SPHK2: variants seen among roughly 807,000 people sequenced by gnomAD.
SPHK2 encodes sphingosine kinase 2.
In SPHK2, 18 loss-of-function variants were observed where a neutral mutation model predicts 32.3. That is an observed-to-expected ratio of 0.56 (90% CI 0.39 to 0.83). The LOEUF is 0.83. Among genes scored for constraint, SPHK2 ranks in the 40% least tolerant of loss-of-function variants. SPHK2 has a pLI of 0.00. For synonymous variants in SPHK2, 462 were observed against 417.6 expected, an observed-to-expected ratio of 1.11 and a Z score of -1.30; for missense variants, 850 against 908.7, an observed-to-expected ratio of 0.94 and a Z score of 0.83.
chr19:48,627,664 C>T, intron 3 of SPHK2, 28 bp from the exon 4 acceptor site: 1 of 1,534,816 alleles, frequency 6.5e-7, no homozygotes. Flanking sequence ...GGTCACTGGC[C>T]TCTGCAGACC....
chr19:48,622,552 GCTT>G (rs1267238133), intron 2 of SPHK2, among the ~76,000 whole-genome samples: 1 of 151,922 alleles, frequency 6.6e-6, no homozygotes, highest in Non-Finnish European at 1.5e-5. Flanking sequence ...TTGAATCTCA[GCTT>G]CTTTGCCCAG....
chr19:48,623,822 C>G (rs1156276224), intron 2 of SPHK2: 1 of 152,352 alleles, frequency 6.6e-6, no homozygotes, highest in East Asian at 1.9e-4. Flanking sequence ...CCTTACCTTG[C>G]ACATTCTCAA....
Position 48,630,220 on chromosome 19 carries a change from G to T in SPHK2, c.*447G>T, listed in dbSNP as rs1463935480. The T allele has an allele frequency of 1.6e-6, 2 of 1,258,638 alleles. No individual in the cohort carries two copies. Among genetic ancestry groups the T allele is most frequent in the Non-Finnish European group, 2.0e-6 (2 of 1,001,360 alleles). The allele number at this position is 1,258,638 out of a possible 1,614,324, so 78.0% of individuals were successfully genotyped here. ...CCACTCCGGTGCCTCCATTTAGCTGGCCAATCAGCCCAGGAGGGGCAGGTT... is the reference window on the plus strand; with the variant it reads ...CCACTCCGGTGCCTCCATTTAGCTGTCCAATCAGCCCAGGAGGGGCAGGTT... On this transcript the variant is annotated 3_prime_UTR_variant, in exon 7 of 7. Transcript: ENST00000245222. This position sits in a 1 kb window ranked among gnomAD's most constrained non-coding sequence, Gnocchi z 4.9.
rs770750657 is a variant in SPHK2 at position 48,628,254 on chromosome 19, C to G, written c.849C>G (p.Ala283=). 5.0e-6 allele frequency: 8 copies of G among 1,613,510 alleles called. No individual in the cohort carries two copies. Among genetic ancestry groups the G allele is most frequent in the Non-Finnish European group, 6.8e-6 (8 of 1,179,910 alleles). ...ILPCGSGNAL[A]GAVNQHGGFE... is the part of the protein sequence containing the mutation. ...CCTGCGGCTCGGGCAACGCGCTGGC[C>G]GGAGCAGTGAACCAGCACGGGGGGT... The change falls in exon 6 of 7, where the codon GCC becomes GCG. Residue 283 remains alanine (A), a synonymous_variant. Transcript: ENST00000245222. This position sits in a 1 kb window ranked among gnomAD's most constrained non-coding sequence, Gnocchi z 5.2.
chr19:48,625,968 GC>G lies in SPHK2; in HGVS notation c.122del (p.Pro41HisfsTer167). ...TGGTCAGGGCTAAGGCCATGGCCCC[GC>G]CCCCACCGCCACTGGCTGCCAGCAC... ...TLVRAKAMAP[P>X]PPPLAASTPL... On this transcript the variant is annotated frameshift_variant, in exon 3 of 7. Transcript: ENST00000245222. LOFTEE classifies it high-confidence loss of function. 1 of 1,612,224 alleles carries G rather than the reference GC, an allele frequency of 6.2e-7. No homozygotes were observed. The highest frequency in any genetic ancestry group is 8.5e-7 in the Non-Finnish European group (1 of 1,179,608).
At position 48,629,732 on chromosome 19, in the gene SPHK2, C is replaced by G; in HGVS notation, c.1924C>G (p.Leu642Val). Residue 642 changes from leucine (L) to valine (V), a missense_variant, in exon 7 of 7, where the codon CTG becomes GTG. Leu to Val is a conservative substitution (Grantham distance 32). Coordinates refer to ENST00000245222, the MANE Select transcript of SPHK2 (RefSeq NM_020126.5). ...ACAGATGCACCCTGGCATCGGTACACTGCTCACTGGGCCTCCTGGCTGCCC... is the reference window on the plus strand; with the variant it reads ...ACAGATGCACCCTGGCATCGGTACAGTGCTCACTGGGCCTCCTGGCTGCCC... ...QAQMHPGIGT[L>V]LTGPPGCPGR... 6.3e-7 allele frequency: 1 copy of G among 1,599,778 alleles called. No homozygotes were observed. Among genetic ancestry groups the G allele is most frequent in the Non-Finnish European group, 8.5e-7 (1 of 1,171,582 alleles).
In SPHK2 at chr19:48,630,390, C is replaced by T; in HGVS notation, c.*617C>T. 2 of 1,378,288 alleles carry T rather than the reference C, an allele frequency of 1.5e-6. No homozygotes were observed. The highest frequency in any genetic ancestry group is 1.9e-6 in the Non-Finnish European group (2 of 1,067,526). The allele number at this position is 1,378,288 out of a possible 1,614,324, so 85.4% of individuals were successfully genotyped here. A position where few individuals can be genotyped will look rare whatever the true frequency, so the allele number is the denominator to read the frequency against. On this transcript the variant is annotated 3_prime_UTR_variant, in exon 7 of 7. Transcript: ENST00000245222. This position sits in a 1 kb window ranked among gnomAD's most constrained non-coding sequence, Gnocchi z 4.9. ...AAAAGGTCTATGCAATAAAGGCAGT[C>T]GCTTCATTCCTCTCAGACCTTCTGC... is the stretch of plus-strand genomic sequence containing the variant.
chr19:48,626,227 G>T lies in SPHK2; in HGVS notation c.376G>T (p.Gly126Trp), dbSNP rs202163387. ...CIYTYPRGRRGARRRATRTFR... is the reference protein window; with the variant it reads ...CIYTYPRGRRWARRRATRTFR... ...CTACACCTACCCTCGGGGCCGGCGC[G>T]GGGCCCGGCGCAGAGCCACTCGCAC... Residue 126 changes from glycine (G) to tryptophan (W), a missense_variant, in exon 3 of 7, where the codon GGG (glycine) becomes TGG (tryptophan). Gly to Trp is a radical substitution (Grantham distance 184). Around this residue, in one of 2 missense-constraint regions of SPHK2, gnomAD observed 544 missense variants for 640.0 expected, o/e 0.85. Transcript: ENST00000245222. 1.3e-6 allele frequency: 2 copies of T among 1,594,860 alleles called. No homozygotes were observed. Among genetic ancestry groups the T allele is most frequent in the Non-Finnish European group, 1.7e-6 (2 of 1,176,728 alleles).
At chr19:48,621,006 C>G (rs1342079294) in intron 2 of SPHK2, 1 of 157,232 alleles carries the variant, frequency 6.4e-6, no homozygotes, top group Non-Finnish European at 1.4e-5. Context: ...GCTGCAACCT[C>G]CTGGGCTAAA....
At chr19:48,627,569 T>C in intron 3 of SPHK2, 123 bp from the exon 4 acceptor site, 2 of 1,214,636 alleles carry the variant, frequency 1.6e-6, no homozygotes, top group Admixed American at 4.8e-5. Flanking sequence ...CCTGGCCACA[T>C]GAGAGCCAGC....
chr19:48,629,126 C>A lies in SPHK2; in HGVS notation c.1318C>A (p.Pro440Thr). The A allele has an allele frequency of 6.2e-7, 1 of 1,613,442 alleles. No individual in the cohort carries two copies. The stretch of plus-strand genomic sequence containing the variant: ...CCTGGCCTCTCCTGGCTCGCCAGAA[C>A]CCCTGCCCATCCTGTCCCTCAACGG... ...PALASPGSPE[P>T]LPILSLNGGG... The change falls in exon 7 of 7, where the codon CCC becomes ACC. Residue 440 changes from proline (P) to threonine (T), a missense_variant. Pro to Thr is a conservative substitution (Grantham distance 38). Transcript: ENST00000245222.
chr19:48,629,312 C>G lies in SPHK2; in HGVS notation c.1504C>G (p.Pro502Ala), dbSNP rs1478933254. 6.2e-7 allele frequency: 1 copy of G among 1,613,398 alleles called. No individual in the cohort carries two copies. Among genetic ancestry groups the G allele is most frequent in the Non-Finnish European group, 8.5e-7 (1 of 1,179,966 alleles). ...VIPPSSGLPLPTPDARVGAST... is the reference protein window; with the variant it reads ...VIPPSSGLPLATPDARVGAST... ...TCCCCCATCCTCTGGGCTCCCACTT[C>G]CCACCCCTGATGCCCGGGTAGGGGC... The change falls in exon 7 of 7, where the codon CCC (proline) becomes GCC (alanine). Residue 502 changes from proline (P) to alanine (A), a missense_variant. Physicochemically the swap from Pro to Ala is conservative, Grantham distance 27 (BLOSUM62 -1). Coordinates refer to ENST00000245222, the MANE Select transcript of SPHK2 (RefSeq NM_020126.5).
At chr19:48,625,404 G>C (rs1323198013) in intron 2 of SPHK2, 2 of 1,179,760 alleles carry the variant, frequency 1.7e-6, no homozygotes, top group African/African-American at 3.2e-5. Flanking sequence ...TATGGGGGGT[G>C]GGGGTGTCGG....
chr19:48,625,587 A>C, intron 2 of SPHK2: 1 of 1,419,322 alleles, frequency 7.0e-7, no homozygotes, highest in Non-Finnish European at 9.3e-7. Flanking sequence ...ATTTGGGGCT[A>C]TTTTGTCTCC....
chr19:48,625,186 T>A, intron 2 of SPHK2: 1 of 1,025,094 alleles, frequency 9.8e-7, no homozygotes, highest in Non-Finnish European at 1.2e-6. Flanking sequence ...GCTGTCTCCA[T>A]GCCTGCCTCG....
chr19:48,620,636 A>AAT, intron 2 of SPHK2, 83 bp downstream of exon 2: 1 of 1,132,664 alleles, frequency 8.8e-7, no homozygotes, highest in Non-Finnish European at 1.3e-6. Flanking sequence ...AAAAAAAAAA[A>AAT]TTGGAGGCCA....
rs2030415910 is a variant in SPHK2 at position 48,629,753 on chromosome 19, T to C, written c.1945T>C (p.Cys649Arg). The C allele has an allele frequency of 6.3e-7, 1 of 1,580,800 alleles. No homozygotes were observed. Among genetic ancestry groups the C allele is most frequent in the Non-Finnish European group, 8.6e-7 (1 of 1,160,326 alleles). The change falls in exon 7 of 7, where the codon TGC becomes CGC. Residue 649 changes from cysteine (C) to arginine (R), a missense_variant. Cys to Arg is a radical substitution (Grantham distance 180). Coordinates refer to ENST00000245222, the MANE Select transcript of SPHK2 (RefSeq NM_020126.5). ...IGTLLTGPPG[C>R]PGREP The stretch of plus-strand genomic sequence containing the variant: ...TACACTGCTCACTGGGCCTCCTGGC[T>C]GCCCGGGGCGGGAGCCCTGAAACTA...
intron 2 of SPHK2, chr19:48,624,776 A>C: frequency 2.8e-6 from 1 of 357,412 alleles, no homozygotes; most frequent in Non-Finnish European, 3.8e-6. Context: ...TAATGGGGCC[A>C]GGGCAGGTTT....
chr19:48,627,952 A>G (rs1195763736), intron 4 of SPHK2, 23 bp from the exon 5 acceptor site: 1 of 1,568,938 alleles, frequency 6.4e-7, no homozygotes, highest in Non-Finnish European at 8.7e-7. Flanking sequence ...CAGCCTGCCT[A>G]ACAGCCCGGT....
Sources: allele counts gnomAD v4.1 joint callset (sites outside exome capture counted in the v4.1 genomes callset), GRCh38; gene constraint gnomAD v4.1.1; regional missense constraint gnomAD v4.1.1; non-coding constraint Gnocchi (gnomAD v3.1); transcripts MANE v1.5; gene names NCBI Gene and HGNC (gene_info 2026-07-23, HGNC 2026-07-21).